The following SORCS3 variants were observed in gnomAD, a reference collection of about 807,000 sequenced individuals.
The protein encoded by SORCS3 is sortilin related VPS10 domain containing receptor 3.
Under a neutral mutation model 146.3 loss-of-function variants are expected in SORCS3, and 57 were observed. The observed-to-expected ratio is 0.39, with a 90% CI of 0.31 to 0.49. SORCS3 has a LOEUF of 0.49. Ranked by LOEUF, SORCS3 falls within the 20% of genes least tolerant of loss-of-function variation. SORCS3 has a pLI of 0.92. For synonymous variants in SORCS3, 653 were observed against 618.5 expected, an observed-to-expected ratio of 1.06 and a Z score of -0.83; for missense variants, 1,341 against 1,575.5, an observed-to-expected ratio of 0.85 and a Z score of 2.52.
intron 5 of SORCS3, among the ~76,000 whole-genome samples, chr10:105,044,317 C>G (rs1367608874): frequency 6.6e-6 from 1 of 152,116 alleles, no homozygotes; most frequent in Non-Finnish European, 1.5e-5. Flanking sequence ...CTGCAGTGTA[C>G]TCTAGCTTGG....
intron 2 of SORCS3, among the ~76,000 whole-genome samples, chr10:104,867,375 T>C (rs1162372739): frequency 2.0e-5 from 3 of 151,308 alleles, no homozygotes; most frequent in Non-Finnish European, 4.4e-5. Flanking sequence ...AGTGGCGAGA[T>C]CTCGGCTCAT....
intron 3 of SORCS3, among the ~76,000 whole-genome samples, chr10:104,922,114 A>G (rs1026756960): frequency 6.6e-6 from 1 of 152,192 alleles, no homozygotes; most frequent in African/African-American, 2.4e-5. Context: ...TGGATACAAC[A>G]CATAACCCTG....
At chr10:104,993,017 C>G (rs993181610) in intron 4 of SORCS3, among the ~76,000 whole-genome samples, 2 of 151,832 alleles carry the variant, frequency 1.3e-5, no homozygotes, top group African/African-American at 4.8e-5. Context: ...GAAAAATTAT[C>G]GAGTGATTTG....
intron 3 of SORCS3, among the ~76,000 whole-genome samples, chr10:104,918,288 C>T (rs961417283): frequency 4.6e-4 from 70 of 152,086 alleles, no homozygotes; most frequent in African/African-American, 1.6e-3. Flanking sequence ...TCCATGCCAA[C>T]AACATTTTAC....
At chr10:104,844,780 C>T (rs1231099838) in intron 2 of SORCS3, among the ~76,000 whole-genome samples, 2 of 152,170 alleles carry the variant, frequency 1.3e-5, no homozygotes, top group Non-Finnish European at 2.9e-5. Context: ...GTCGTCAGGG[C>T]TGTGTTCCTT....
At chr10:105,144,942 G>T (rs1400514388) in intron 8 of SORCS3, among the ~76,000 whole-genome samples, 2 of 152,070 alleles carry the variant, frequency 1.3e-5, no homozygotes, top group Non-Finnish European at 2.9e-5. Context: ...TTAGACAAAG[G>T]TTATATATTT....
At chr10:104,737,114 T>A (rs1331246025) in intron 1 of SORCS3, among the ~76,000 whole-genome samples, 1 of 152,182 alleles carries the variant, frequency 6.6e-6, no homozygotes, top group Non-Finnish European at 1.5e-5. Flanking sequence ...TGAACTCATC[T>A]TTTTTATGGC....
At chr10:104,770,444 A>G (rs1564679432) in intron 1 of SORCS3, among the ~76,000 whole-genome samples, 2 of 152,098 alleles carry the variant, frequency 1.3e-5, no homozygotes, top group Non-Finnish European at 2.9e-5. Flanking sequence ...ACTGTATTTC[A>G]TGGGAGGATC....
intron 8 of SORCS3, among the ~76,000 whole-genome samples, chr10:105,143,273 T>G (rs2056107985): frequency 6.6e-6 from 1 of 152,150 alleles, no homozygotes; most frequent in East Asian, 1.9e-4. Context: ...TTTTTGTGGA[T>G]CCCCTTCTTA....
chr10:104,945,422 T>C (rs1394744162), intron 3 of SORCS3, among the ~76,000 whole-genome samples: 2 of 151,938 alleles, frequency 1.3e-5, no homozygotes, highest in Non-Finnish European at 2.9e-5. Flanking sequence ...CACCCCTAGC[T>C]AATTTTTTGT....
intron 20 of SORCS3, among the ~76,000 whole-genome samples, chr10:105,237,144 G>T (rs536990574): frequency 4.1e-4 from 63 of 152,258 alleles, no homozygotes; most frequent in Non-Finnish European, 6.6e-4. Flanking sequence ...AAGTGGTTTT[G>T]TTCCCAAAGA....
At chr10:104,712,244 G>T (rs1234966934) in intron 1 of SORCS3, among the ~76,000 whole-genome samples, 2 of 152,084 alleles carry the variant, frequency 1.3e-5, no homozygotes, top group East Asian at 1.9e-4. Context: ...GTTCAGAAAG[G>T]TTCCTTGACC....
chr10:105,059,862 A>G (rs548284423), intron 5 of SORCS3, among the ~76,000 whole-genome samples: 72 of 152,356 alleles, frequency 4.7e-4, no homozygotes, highest in African/African-American at 1.6e-3. Context: ...CTGGATTCAT[A>G]GCATGAAGCA....
chr10:104,873,182 G>A (rs2018536211), intron 2 of SORCS3, among the ~76,000 whole-genome samples: 2 of 152,230 alleles, frequency 1.3e-5, no homozygotes, highest in African/African-American at 2.4e-5. Context: ...TAGAAACATA[G>A]CAAGGGTTTC....
intron 1 of SORCS3, among the ~76,000 whole-genome samples, chr10:104,667,863 G>A (rs574299331): frequency 1.3e-5 from 2 of 152,212 alleles, no homozygotes; most frequent in South Asian, 4.1e-4. Context: ...AGAGCTGGGG[G>A]TGCTTTGCCA....
chr10:105,074,020 A>C (rs1589619677), intron 5 of SORCS3, among the ~76,000 whole-genome samples: 1 of 152,118 alleles, frequency 6.6e-6, no homozygotes, highest in South Asian at 2.1e-4. Context: ...AATCACTTAA[A>C]CTGTCCTTCA....
intron 2 of SORCS3, among the ~76,000 whole-genome samples, chr10:104,895,507 C>T (rs1809679): frequency 1.3e-5 from 2 of 152,184 alleles, no homozygotes; most frequent in Non-Finnish European, 2.9e-5. Flanking sequence ...CTCTCATGTA[C>T]TGTATATCTT....
At chr10:104,908,191 C>T (rs528589222) in intron 2 of SORCS3, among the ~76,000 whole-genome samples, 1 of 152,260 alleles carries the variant, frequency 6.6e-6, no homozygotes, top group Admixed American at 6.5e-5. Flanking sequence ...TGGGTGCTCC[C>T]CAAGGCCTGG....
At chr10:104,990,933 C>T (rs1290936039) in intron 4 of SORCS3, among the ~76,000 whole-genome samples, 2 of 152,158 alleles carry the variant, frequency 1.3e-5, no homozygotes, top group Non-Finnish European at 2.9e-5. Context: ...TCTGTGTTGT[C>T]TTAACCACTA....
Sources: gnomAD v4.1 joint callset for allele counts (sites outside exome capture counted in the v4.1 genomes callset) on GRCh38, gnomAD v4.1.1 for gene constraint, MANE v1.5 for transcripts, NCBI Gene and HGNC (gene_info 2026-07-23, HGNC 2026-07-21) for gene names.